Variants in RAB3C observed in about 807,000 individuals in gnomAD.
The protein encoded by RAB3C is RAB3C, member RAS oncogene family, also known as ras-related protein Rab-3C.
In RAB3C, 17 loss-of-function variants were observed where a neutral mutation model predicts 26.4. That is an observed-to-expected ratio of 0.64 (90% confidence interval 0.44 to 0.97). The LOEUF is 0.97. Ranked by LOEUF, RAB3C falls within the 50% of genes least tolerant of loss-of-function variation. The pLI, the probability that RAB3C is intolerant of heterozygous loss-of-function variation, is 0.00. For missense variants in RAB3C, 242 were observed against 281.9 expected, an observed-to-expected ratio of 0.86 and a Z score of 1.01; for synonymous variants, 91 against 95.9, an observed-to-expected ratio of 0.95 and a Z score of 0.30.
rs116561768 is a variant in RAB3C at position 58,659,450 on chromosome 5, C to T, written c.252+41580C>T. Among the ~76,000 whole-genome samples, 389 of 152,230 alleles carry T rather than the reference C, an allele frequency of 2.6e-3. 2 individuals carry two copies. Among genetic ancestry groups the T allele is most frequent in the African/African-American group, 8.8e-3 (367 of 41,542 alleles). On this transcript the variant is annotated intron_variant, in intron 2 of 4. Coordinates refer to ENST00000282878, the MANE Select transcript of RAB3C (RefSeq NM_138453.4). ...CATCATGTAATCTTTTTCTCCCTTT[C>T]GCCCCAGAGGAAAAATAAGCAATCT...
intron 2 of RAB3C, among the ~76,000 whole-genome samples, chr5:58,662,165 T>C: frequency 6.7e-6 from 1 of 149,986 alleles, no homozygotes; most frequent in Non-Finnish European, 1.5e-5. Context: ...GGGAAGAGGA[T>C]ATTGTGCCCT....
chr5:58,594,571 A>G (rs77031569), intron 1 of RAB3C, among the ~76,000 whole-genome samples: 2,710 of 152,248 alleles, frequency 0.018, 76 homozygotes, highest in African/African-American at 0.062. Context: ...CATGTAGATT[A>G]TGAATACACC....
Position 58,792,169 on chromosome 5 carries a change from A to C in RAB3C, c.372-32869A>C, listed in dbSNP as rs188389192. Among the ~76,000 whole-genome samples the C allele has an allele frequency of 8.5e-5, 13 of 152,362 alleles. No individual in the cohort carries two copies. In the East Asian group the frequency reaches 2.5e-3, roughly 29 times the overall value. ...AAGCCATCTCCATTTTATCTTCATT[A>C]AATTCACCACCAGAGCTTATTATAA... On this transcript the variant is annotated intron_variant, in intron 3 of 4. Transcript: ENST00000282878.
intron 1 of RAB3C, among the ~76,000 whole-genome samples, chr5:58,587,802 G>T (rs1746043067): frequency 6.6e-6 from 1 of 152,064 alleles, no homozygotes; most frequent in Non-Finnish European, 1.5e-5. Flanking sequence ...TCACGGGTTA[G>T]CTGTGGGATT....
chr5:58,692,873 C>G lies in RAB3C; in HGVS notation c.253-33129C>G, dbSNP rs557095976. ...CTGTAATCCCAGCACTTTGGGAGGC[C>G]GAGGTGGGTGGATCACCTGAGGTTG... On this transcript the variant is annotated intron_variant, in intron 2 of 4. Transcript: ENST00000282878. Among the ~76,000 whole-genome samples, 172 of 152,056 alleles carry G rather than the reference C, an allele frequency of 1.1e-3. 1 individual carries two copies. The highest frequency in any genetic ancestry group is 2.0e-3 in the Non-Finnish European group (139 of 67,974).
intron 1 of RAB3C, among the ~76,000 whole-genome samples, chr5:58,597,250 A>G (rs1746331259): frequency 7.9e-6 from 1 of 125,926 alleles, no homozygotes; most frequent in Non-Finnish European, 1.5e-5. Context: ...ATATTATATA[A>G]TATATACTAC....
At chr5:58,692,239 G>A (rs898998391) in intron 2 of RAB3C, among the ~76,000 whole-genome samples, 6 of 151,982 alleles carry the variant, frequency 3.9e-5, no homozygotes, top group South Asian at 2.1e-4. Context: ...TTTAGCTAAT[G>A]GAATATTCAC....
intron 4 of RAB3C, among the ~76,000 whole-genome samples, chr5:58,843,285 T>C (rs1461315968): frequency 6.6e-6 from 1 of 152,256 alleles, no homozygotes; most frequent in Non-Finnish European, 1.5e-5. Flanking sequence ...CTCTATTTCA[T>C]ATGTATCCTC....
chr5:58,672,916 G>T (rs1464961885), intron 2 of RAB3C, among the ~76,000 whole-genome samples: 4 of 152,154 alleles, frequency 2.6e-5, no homozygotes, highest in Non-Finnish European at 5.9e-5. Context: ...TATAATGGTT[G>T]TCATTTGTTA....
intron 4 of RAB3C, chr5:58,848,281 G>A (rs1744046192): frequency 6.6e-6 from 1 of 152,124 alleles, no homozygotes; most frequent in Non-Finnish European, 1.5e-5. Context: ...AAGAAAGATT[G>A]TTTCATTTGG....
rs539500178 is a variant in RAB3C, at chr5:58,585,973, G to T, written c.24+2741G>T. Among the ~76,000 whole-genome samples, 12 of 152,134 alleles carry T rather than the reference G, an allele frequency of 7.9e-5. No individual in the cohort carries two copies. In the South Asian group the frequency reaches 2.3e-3, roughly 29 times the overall value. The stretch of plus-strand genomic sequence containing the variant: ...TATACATGAATCCTGAAGGCCAAAT[G>T]AGATGAGAAATAACAGTTCTCATGA... On this transcript the variant is annotated intron_variant, in intron 1 of 4. Coordinates refer to ENST00000282878, the MANE Select transcript of RAB3C (RefSeq NM_138453.4).
intron 2 of RAB3C, among the ~76,000 whole-genome samples, chr5:58,660,087 G>C (rs536648684): frequency 6.9e-6 from 1 of 145,112 alleles, no homozygotes; most frequent in East Asian, 1.9e-4. Flanking sequence ...TTACAGGTGT[G>C]AGCCACCACA....
intron 2 of RAB3C, among the ~76,000 whole-genome samples, chr5:58,723,902 A>G (rs2591922): frequency 0.54 from 82,538 of 151,520 alleles, 22,915 homozygotes; most frequent in Non-Finnish European, 0.6. Flanking sequence ...TTAGATGCCA[A>G]TCTCCAGGGA....
chr5:58,590,823 G>A (rs1746113370), intron 1 of RAB3C, among the ~76,000 whole-genome samples: 1 of 152,150 alleles, frequency 6.6e-6, no homozygotes, highest in African/African-American at 2.4e-5. Flanking sequence ...GGGATTACAG[G>A]TGTGAGCCAC....
chr5:58,669,582 G>T (rs1748070983), intron 2 of RAB3C, among the ~76,000 whole-genome samples: 1 of 152,168 alleles, frequency 6.6e-6, no homozygotes, highest in Admixed American at 6.5e-5. Flanking sequence ...CAGTAGTTTA[G>T]GTGTGCACTA....
intron 2 of RAB3C, among the ~76,000 whole-genome samples, chr5:58,660,543 G>T (rs1747881646): frequency 1.3e-5 from 2 of 150,104 alleles, no homozygotes; most frequent in Admixed American, 6.6e-5. Flanking sequence ...ACAAAAATTT[G>T]GCAAATATTC....
In RAB3C at chr5:58,613,717, A is replaced by C. The variant is rs559947320; in HGVS notation, c.25-3926A>C. Among the ~76,000 whole-genome samples, 411 of 152,244 alleles carry C rather than the reference A, an allele frequency of 2.7e-3. 1 individual carries two copies. Among genetic ancestry groups the C allele is most frequent in the African/African-American group, 9.3e-3 (386 of 41,552 alleles). On this transcript the variant is annotated intron_variant, in intron 1 of 4. Transcript: ENST00000282878. ...AATGGTTTCATTCTACTTTGGACTAAGTAGGTAAATATCTAGAATATTGTG... is the reference window on the plus strand; with the variant it reads ...AATGGTTTCATTCTACTTTGGACTACGTAGGTAAATATCTAGAATATTGTG...
At chr5:58,836,323 C>T (rs1364888559) in intron 4 of RAB3C, among the ~76,000 whole-genome samples, 1 of 151,820 alleles carries the variant, frequency 6.6e-6, no homozygotes, top group Non-Finnish European at 1.5e-5. Context: ...ATTTTTGATA[C>T]ATATAATGTA....
At chr5:58,690,993 G>A (rs757306051) in intron 2 of RAB3C, among the ~76,000 whole-genome samples, 14 of 151,894 alleles carry the variant, frequency 9.2e-5, no homozygotes, top group Middle Eastern at 3.2e-3. Flanking sequence ...TTCATGTTTC[G>A]TGATAAGTTG....
Sources: allele counts gnomAD v4.1 joint callset (sites outside exome capture counted in the v4.1 genomes callset), GRCh38; gene constraint gnomAD v4.1.1; transcripts MANE v1.5; gene names NCBI Gene and HGNC (gene_info 2026-07-23, HGNC 2026-07-21).